Variants in DSCAM observed in about 807,000 individuals in gnomAD.
DSCAM encodes the protein DS cell adhesion molecule.
A neutral mutation model predicts 217.7 loss-of-function variants in DSCAM; 47 were observed. The observed-to-expected ratio is 0.22, with a 90% confidence interval of 0.17 to 0.28. The LOEUF is 0.28. Among genes scored for constraint, DSCAM ranks in the 10% least tolerant of loss-of-function variants. The pLI, the probability that DSCAM is intolerant of heterozygous loss-of-function variation, is 1.00. For missense variants in DSCAM, 2,080 were observed against 2,618.3 expected (o/e 0.79, Z 4.49); for synonymous variants, 1,056 against 1,015.3 (o/e 1.04, Z -0.76).
chr21:40,040,036 C>T (rs1475433055), intron 32 of DSCAM, among the ~76,000 whole-genome samples: 1 of 152,192 alleles, frequency 6.6e-6, no homozygotes, highest in Non-Finnish European at 1.5e-5. Flanking sequence ...GAATAGTAAA[C>T]TGCAACCTTG....
chr21:40,211,930 T>G (rs1370398917), intron 11 of DSCAM, among the ~76,000 whole-genome samples: 2 of 150,294 alleles, frequency 1.3e-5, no homozygotes, highest in Non-Finnish European at 3.0e-5. Flanking sequence ...TGTGTGTGTG[T>G]GGGTTTTGTT....
At chr21:40,136,044 G>A (rs2090205014) in intron 18 of DSCAM, among the ~76,000 whole-genome samples, 1 of 152,226 alleles carries the variant, frequency 6.6e-6, no homozygotes, top group Non-Finnish European at 1.5e-5. Flanking sequence ...GAGGGAGCAG[G>A]GCGAGGATGG....
At chr21:40,769,118 G>C (rs1039715413) in intron 1 of DSCAM, among the ~76,000 whole-genome samples, 6 of 120,442 alleles carry the variant, frequency 5.0e-5, no homozygotes, top group African/African-American at 1.5e-4. Context: ...CCAACCCTCT[G>C]CTCTCACTTC....
chr21:40,370,649 C>A (rs2074887196), intron 3 of DSCAM, among the ~76,000 whole-genome samples: 1 of 151,370 alleles, frequency 6.6e-6, no homozygotes, highest in Admixed American at 6.6e-5. Context: ...GAGATAAGGT[C>A]TGGCTGTATT....
chr21:40,487,324 T>A (rs61258040), intron 3 of DSCAM, among the ~76,000 whole-genome samples: 1,554 of 76,084 alleles, frequency 0.02, 17 homozygotes, highest in African/African-American at 0.06. Flanking sequence ...TGTGTGTGTG[T>A]GTGAGAGAGA....
intron 3 of DSCAM, among the ~76,000 whole-genome samples, chr21:40,423,281 G>GT (rs1464073583): frequency 6.6e-6 from 1 of 152,170 alleles, no homozygotes; most frequent in Non-Finnish European, 1.5e-5. Context: ...CAGAAGTATT[G>GT]TATTAATGTA....
At chr21:40,498,646 A>AGT (rs56375309) in intron 3 of DSCAM, among the ~76,000 whole-genome samples, 12 of 106,560 alleles carry the variant, frequency 1.1e-4, no homozygotes, top group South Asian at 3.3e-4. Context: ...ATATATATAT[A>AGT]GTGTGTGTGT....
intron 3 of DSCAM, among the ~76,000 whole-genome samples, chr21:40,637,624 C>CT (rs1265414818): frequency 3.0e-5 from 1 of 33,292 alleles, no homozygotes; most frequent in African/African-American, 1.1e-4. Flanking sequence ...TAAATATATA[C>CT]ATATATAAAT....
intron 6 of DSCAM, among the ~76,000 whole-genome samples, chr21:40,340,470 G>T (rs2074479395): frequency 6.6e-6 from 1 of 152,216 alleles, no homozygotes; most frequent in African/African-American, 2.4e-5. Context: ...AAAATCAGAA[G>T]AAAAGTTACC....
At chr21:40,798,351 G>A (rs1010142099) in intron 1 of DSCAM, among the ~76,000 whole-genome samples, 9 of 151,948 alleles carry the variant, frequency 5.9e-5, no homozygotes, top group African/African-American at 2.2e-4. Context: ...ATGCCAAGTA[G>A]TTTCGATTGC....
At chr21:40,744,349 T>C (rs1216966313) in intron 1 of DSCAM, among the ~76,000 whole-genome samples, 1 of 152,138 alleles carries the variant, frequency 6.6e-6, no homozygotes, top group Non-Finnish European at 1.5e-5. Flanking sequence ...GCCAGCACTA[T>C]AGTGCTGCAG....
chr21:40,842,441 C>A (rs1160014999), intron 1 of DSCAM, among the ~76,000 whole-genome samples: 1 of 152,218 alleles, frequency 6.6e-6, no homozygotes, highest in African/African-American at 2.4e-5. Context: ...CATAATCTTA[C>A]CCGTAGAATT....
At chr21:40,107,810 G>T (rs2089840915) in intron 20 of DSCAM, among the ~76,000 whole-genome samples, 1 of 151,980 alleles carries the variant, frequency 6.6e-6, no homozygotes, top group African/African-American at 2.4e-5. Flanking sequence ...GTTCTTTGTT[G>T]GTTTAAAGTC....
intron 3 of DSCAM, among the ~76,000 whole-genome samples, chr21:40,505,533 T>C (rs2076203435): frequency 6.6e-6 from 1 of 152,208 alleles, no homozygotes; most frequent in Admixed American, 6.5e-5. Flanking sequence ...GTGGCTTGCT[T>C]AAACTGTCTT....
At chr21:40,817,991 G>A (rs368912043) in intron 1 of DSCAM, among the ~76,000 whole-genome samples, 3,422 of 150,770 alleles carry the variant, frequency 0.023, 130 homozygotes, top group African/African-American at 0.079. Flanking sequence ...AGCTACTCGG[G>A]AGGCTGAGGC....
chr21:40,769,409 C>T (rs993581343), intron 1 of DSCAM, among the ~76,000 whole-genome samples: 1 of 152,110 alleles, frequency 6.6e-6, no homozygotes, highest in Non-Finnish European at 1.5e-5. Context: ...GGAGATGAGG[C>T]CTGCATGCTG....
intron 3 of DSCAM, among the ~76,000 whole-genome samples, chr21:40,371,949 C>T (rs1039236862): frequency 3.3e-5 from 5 of 152,160 alleles, no homozygotes; most frequent in African/African-American, 1.2e-4. Context: ...TTGTCTAGTC[C>T]TTCATTTCTC....
chr21:40,670,982 G>A (rs905874597), intron 3 of DSCAM, among the ~76,000 whole-genome samples: 1 of 152,078 alleles, frequency 6.6e-6, no homozygotes, highest in African/African-American at 2.4e-5. Context: ...ATTGTAATCA[G>A]ATTATAAGAA....
intron 1 of DSCAM, among the ~76,000 whole-genome samples, chr21:40,789,903 A>G (rs911376531): frequency 4.6e-5 from 7 of 152,284 alleles, no homozygotes; most frequent in Non-Finnish European, 1.0e-4. Context: ...CTCACAGGAC[A>G]GAATTCTACC....
Sources: gnomAD v4.1 joint callset for allele counts (sites outside exome capture counted in the v4.1 genomes callset) on GRCh38, gnomAD v4.1.1 for gene constraint, MANE v1.5 for transcripts, NCBI Gene and HGNC (gene_info 2026-07-23, HGNC 2026-07-21) for gene names.